Variants in IGFBP5 observed in about 807,000 individuals in gnomAD.
The protein encoded by IGFBP5 is insulin-like growth factor-binding protein 5.
In IGFBP5, 12 loss-of-function variants were observed where a neutral mutation model predicts 28.0. The ratio of observed to expected loss-of-function variants is 0.43; its 90% CI spans 0.27 to 0.69. The LOEUF (loss-of-function observed/expected upper bound fraction) is 0.69, where lower values mean the gene tolerates loss of function less well. IGFBP5 is among the 30% of genes least tolerant of loss of function. The pLI, the probability that IGFBP5 is intolerant of heterozygous loss-of-function variation, is 0.20. For missense variants in IGFBP5, 344 were observed against 381.6 expected, an observed-to-expected ratio of 0.90 and a Z score of 0.82; for synonymous variants, 152 against 150.2, an observed-to-expected ratio of 1.01 and a Z score of -0.09.
intron 1 of IGFBP5, among the ~76,000 whole-genome samples, chr2:216,681,348 A>G (rs1355025624): frequency 2.6e-5 from 4 of 152,142 alleles, no homozygotes; most frequent in African/African-American, 4.8e-5. Flanking sequence ...AGATTGGAGA[A>G]GCCTGGACCC....
At chr2:216,689,600 G>C (rs1366765150) in intron 1 of IGFBP5, among the ~76,000 whole-genome samples, 1 of 152,212 alleles carries the variant, frequency 6.6e-6, no homozygotes, top group Non-Finnish European at 1.5e-5. Flanking sequence ...AGTGACTAGC[G>C]AGAAAGCCAG....
intron 1 of IGFBP5, among the ~76,000 whole-genome samples, chr2:216,693,185 C>A (rs552417900): frequency 6.0e-5 from 9 of 150,792 alleles, no homozygotes; most frequent in African/African-American, 2.2e-4. Flanking sequence ...TCAGGTAACT[C>A]TTTCCAAAAA....
At chr2:216,683,374 T>C (rs1456333034) in intron 1 of IGFBP5, among the ~76,000 whole-genome samples, 6 of 152,112 alleles carry the variant, frequency 3.9e-5, no homozygotes, top group African/African-American at 1.4e-4. Flanking sequence ...AGACCCTGTC[T>C]CAAAGAAAAA....
In IGFBP5 at chr2:216,675,755, G is replaced by C. The variant is rs1688889770; in HGVS notation, c.*996C>G. 1 of 151,872 alleles carries C rather than the reference G, an allele frequency of 6.6e-6. No homozygotes were observed. The highest frequency in any genetic ancestry group is 2.4e-5 in the African/African-American group (1 of 41,356). 9.4% of individuals were successfully genotyped at this position (151,872 alleles called of 1,614,324 possible). On this transcript the variant is annotated 3_prime_UTR_variant, in exon 4 of 4. Transcript: ENST00000233813. ...GAAGAAAGAAAAAAACAAAGAAAAA[G>C]AATAGATTTATATGCCTATATATGA...
rs1420330488 is a variant in IGFBP5 at position 216,674,471 on chromosome 2, C to T, written c.*2280G>A. 6.6e-6 allele frequency: 1 copy of T among 152,466 alleles called. No homozygotes were observed. Among genetic ancestry groups the T allele is most frequent in the Admixed American group, 6.5e-5 (1 of 15,282 alleles). 9.4% of individuals were successfully genotyped at this position (152,466 alleles called of 1,614,324 possible). Reference sequence around the variant, plus strand: ...CCCCAAGTTCTATAGCTATAGGGTTCCCATCAGTTGAAACAGATTTGCTTT... The same window carrying T: ...CCCCAAGTTCTATAGCTATAGGGTTTCCATCAGTTGAAACAGATTTGCTTT... On this transcript the variant is annotated 3_prime_UTR_variant, in exon 4 of 4. Transcript: ENST00000233813. This position sits in a 1 kb window ranked among gnomAD's most constrained non-coding sequence, Gnocchi z 4.4.
At chr2:216,693,824 G>C (rs1214532267) in intron 1 of IGFBP5, among the ~76,000 whole-genome samples, 1 of 152,066 alleles carries the variant, frequency 6.6e-6, no homozygotes, top group Non-Finnish European at 1.5e-5. Flanking sequence ...GCACATGGGA[G>C]GGGCTTCAGG....
rs1689136876 is a variant in IGFBP5 at position 216,694,097 on chromosome 2, C to T, written c.337+342G>A. On this transcript the variant is annotated intron_variant, in intron 1 of 3. Transcript: ENST00000233813. The surrounding 1 kb of genome is among the most constrained non-coding windows in gnomAD (Gnocchi z 5.2). ...GTGGAGGAGGGAGTTGATAATGTAA[C>T]ATACACTCTTTCAGACTGTAGATAG... Among the ~76,000 whole-genome samples the T allele has an allele frequency of 6.6e-6, 1 of 151,558 alleles. No individual in the cohort carries two copies.
chr2:216,678,858 A>G lies in IGFBP5; in HGVS notation c.559T>C (p.Ser187Pro), dbSNP rs1297864793. 4.3e-6 allele frequency: 7 copies of G among 1,612,888 alleles called. No homozygotes were observed. The highest frequency in any genetic ancestry group is 5.9e-6 in the Non-Finnish European group (7 of 1,179,218). ...IISAPEMRQE[S>P]EQGPCRRHME... Reference sequence around the variant, plus strand: ...GAATCCCCGAGATGCACCTGCTCAGACTCCTGTCTCATCTCAGGTGCAGAG... The same window carrying G: ...GAATCCCCGAGATGCACCTGCTCAGGCTCCTGTCTCATCTCAGGTGCAGAG... The change falls in exon 2 of 4, where the codon TCT becomes CCT. Residue 187 changes from serine (S) to proline (P), a missense_variant. Physicochemically the swap from Ser to Pro is moderately conservative, Grantham distance 74. Transcript: ENST00000233813.
rs1338042821 is a variant in IGFBP5 at position 216,672,303 on chromosome 2, T to G, written c.*4448A>C. ...AGCCGAGCTCTTCCGCATTCAGGTG[T>G]TTTTTTTTTTTTTTTCGGCTTTTTT... On this transcript the variant is annotated 3_prime_UTR_variant, in exon 4 of 4. Coordinates refer to ENST00000233813, the MANE Select transcript of IGFBP5 (RefSeq NM_000599.4). 1 of 103,642 alleles carries G rather than the reference T, an allele frequency of 9.6e-6. No individual in the cohort carries two copies. The highest frequency in any genetic ancestry group is 6.7e-5 in the African/African-American group (1 of 14,868). The allele number at this position is 103,642 out of a possible 1,614,324, so 6.4% of individuals were successfully genotyped here.
intron 1 of IGFBP5, among the ~76,000 whole-genome samples, chr2:216,688,779 C>A (rs1477544025): frequency 6.6e-6 from 1 of 152,132 alleles, no homozygotes; most frequent in Non-Finnish European, 1.5e-5. Context: ...TTAAAATGTT[C>A]CTATAGTTCA....
At chr2:216,693,692 C>A (rs1324378247) in intron 1 of IGFBP5, among the ~76,000 whole-genome samples, 1 of 152,076 alleles carries the variant, frequency 6.6e-6, no homozygotes. Flanking sequence ...ACCCCCACCC[C>A]GCACCCCCGC....
intron 1 of IGFBP5, among the ~76,000 whole-genome samples, chr2:216,689,190 C>G (rs551816749): frequency 1.3e-5 from 2 of 152,212 alleles, no homozygotes; most frequent in Non-Finnish European, 2.9e-5. Flanking sequence ...GCACCATGTT[C>G]TTCAAGACTA....
chr2:216,682,810 G>A (rs979217569), intron 1 of IGFBP5, among the ~76,000 whole-genome samples: 2 of 151,746 alleles, frequency 1.3e-5, no homozygotes, highest in African/African-American at 4.8e-5. Context: ...CTGGGTTTAC[G>A]CCATTCTCCT....
chr2:216,691,030 G>C (rs1689089246), intron 1 of IGFBP5, among the ~76,000 whole-genome samples: 1 of 152,024 alleles, frequency 6.6e-6, no homozygotes, highest in South Asian at 2.1e-4. Flanking sequence ...GGGGGTGCGG[G>C]TGGGAAAGGA....
At chr2:216,691,353 C>T (rs1467881717) in intron 1 of IGFBP5, among the ~76,000 whole-genome samples, 1 of 152,210 alleles carries the variant, frequency 6.6e-6, no homozygotes, top group East Asian at 1.9e-4. Flanking sequence ...AGGAGACCTA[C>T]CCGAACCCCG....
intron 1 of IGFBP5, among the ~76,000 whole-genome samples, chr2:216,686,666 CTTTT>C (rs1165701093): frequency 2.7e-5 from 3 of 112,704 alleles, no homozygotes; most frequent in Non-Finnish European, 3.6e-5. Context: ...TTTGACCTTT[CTTTT>C]TTTTTTTTTT....
At chr2:216,680,053 G>A (rs1185861786) in intron 1 of IGFBP5, among the ~76,000 whole-genome samples, 5 of 151,986 alleles carry the variant, frequency 3.3e-5, no homozygotes, top group Non-Finnish European at 7.4e-5. Context: ...CCATCCCTGG[G>A]TCCCCTTCTC....
intron 1 of IGFBP5, among the ~76,000 whole-genome samples, chr2:216,684,714 A>G (rs1001811412): frequency 1.3e-5 from 2 of 152,254 alleles, no homozygotes; most frequent in African/African-American, 2.4e-5. Flanking sequence ...TCACCAGCAT[A>G]TAGTATTCAA....
In IGFBP5 at chr2:216,678,173, A is replaced by G; in HGVS notation, c.626T>C (p.Met209Thr). The change falls in exon 3 of 4, where the codon ATG (methionine) becomes ACG (threonine). Residue 209 changes from methionine to threonine, a missense_variant. Around this residue, in one of 3 missense-constraint regions of IGFBP5, gnomAD observed 304 missense variants for 329.2 expected, o/e 0.92. Coordinates refer to ENST00000233813, the MANE Select transcript of IGFBP5 (RefSeq NM_000599.4). The stretch of plus-strand genomic sequence containing the variant: ...GGGCAGGTACACAGCACGGGGCACC[A>G]TGCGTGGGCTGGCTTTGAGCTCCTG... ...SLQELKASPRMVPRAVYLPNC... is the reference protein window; with the variant it reads ...SLQELKASPRTVPRAVYLPNC... 3 of 1,596,300 alleles carry G rather than the reference A, an allele frequency of 1.9e-6. No individual in the cohort carries two copies. The highest frequency in any genetic ancestry group is 1.7e-5 in the Admixed American group (1 of 58,622).
Sources: gnomAD v4.1 joint callset for allele counts (sites outside exome capture counted in the v4.1 genomes callset) on GRCh38, gnomAD v4.1.1 for gene constraint, gnomAD v4.1.1 regional missense constraint, Gnocchi (gnomAD v3.1) non-coding constraint, MANE v1.5 for transcripts, NCBI Gene and HGNC (gene_info 2026-07-23, HGNC 2026-07-21) for gene names.